Variants in CDH11 observed in about 807,000 individuals in gnomAD.
CDH11 encodes the protein cadherin 11.
In CDH11, 11 loss-of-function variants were observed where a neutral mutation model predicts 67.8. That is an observed-to-expected ratio of 0.16 (90% CI 0.10 to 0.27). The LOEUF (loss-of-function observed/expected upper bound fraction) is 0.27, where lower values mean the gene tolerates loss of function less well. Among genes scored for constraint, CDH11 ranks in the 10% least tolerant of loss-of-function variants. The probability of loss-of-function intolerance (pLI) is 1.00; values close to 1 mark genes in which losing one functional copy is unlikely to be tolerated. For missense variants in CDH11, 847 were observed against 1,031.2 expected (o/e 0.82, Z 2.45); for synonymous variants, 419 against 400.0 (o/e 1.05, Z -0.57).
chr16:65,098,263 T>A (rs1246478230), intron 1 of CDH11, among the ~76,000 whole-genome samples: 1 of 152,146 alleles, frequency 6.6e-6, no homozygotes, highest in Non-Finnish European at 1.5e-5. Context: ...ATCCTTAAGT[T>A]CCTTGGATAC....
intron 1 of CDH11, among the ~76,000 whole-genome samples, chr16:65,083,132 G>C (rs186515615): frequency 2.8e-4 from 42 of 152,248 alleles, no homozygotes; most frequent in African/African-American, 9.9e-4. Context: ...TTTTGACAAT[G>C]AACACACTGA....
At chr16:65,040,538 A>G (rs1476841680) in intron 2 of CDH11, among the ~76,000 whole-genome samples, 1 of 147,846 alleles carries the variant, frequency 6.8e-6, no homozygotes, top group Non-Finnish European at 1.5e-5. Flanking sequence ...GGGGAACATC[A>G]CACCCTGGGG....
chr16:65,121,634 G>A lies in CDH11; in HGVS notation c.-298+246C>T, dbSNP rs1168791812. Among the ~76,000 whole-genome samples, 1 of 152,220 alleles carries A rather than the reference G, an allele frequency of 6.6e-6. No individual in the cohort carries two copies. The highest frequency in any genetic ancestry group is 2.4e-5 in the African/African-American group (1 of 41,468). On this transcript the variant is annotated intron_variant, in intron 1 of 12. Coordinates refer to ENST00000268603, the MANE Select transcript of CDH11 (RefSeq NM_001797.4). The surrounding 1 kb of genome is among the most constrained non-coding windows in gnomAD (Gnocchi z 4.1). ...GGCCGGAGCCAGGGAGAGTCGTGGA[G>A]CGCACATCTGAAGCCTCCGTCCCCT...
At chr16:65,098,209 T>C (rs1051484302) in intron 1 of CDH11, among the ~76,000 whole-genome samples, 7 of 152,136 alleles carry the variant, frequency 4.6e-5, no homozygotes, top group African/African-American at 1.7e-4. Context: ...GGTTCAATAT[T>C]TACTATTGAA....
At chr16:65,097,191 T>C (rs2074913735) in intron 1 of CDH11, among the ~76,000 whole-genome samples, 1 of 152,202 alleles carries the variant, frequency 6.6e-6, no homozygotes, top group African/African-American at 2.4e-5. Context: ...TCAAAATTGA[T>C]AGAGAAGTGA....
intron 1 of CDH11, among the ~76,000 whole-genome samples, chr16:65,060,653 C>A (rs1445636383): frequency 1.3e-5 from 2 of 152,036 alleles, no homozygotes; most frequent in African/African-American, 4.8e-5. Context: ...ATAACTTTAA[C>A]CTCTTCTTCT....
rs2071176463 is a variant in CDH11 at position 64,945,311 on chromosome 16, A to C, written c.*2292T>G. 1.5e-6 allele frequency: 1 copy of C among 662,152 alleles called. No individual in the cohort carries two copies. Among genetic ancestry groups the C allele is most frequent in the Admixed American group, 6.1e-5 (1 of 16,524 alleles). The allele number at this position is 662,152 out of a possible 1,614,324, so 41.0% of individuals were successfully genotyped here. On this transcript the variant is annotated 3_prime_UTR_variant, in exon 13 of 13. Coordinates refer to ENST00000268603, the MANE Select transcript of CDH11 (RefSeq NM_001797.4). ...CGAAAAAATAAAAGGTAAAAAAAAA[A>C]AAAAAAAAGAAAAAGAAAAACAAGT...
At chr16:64,986,102 C>G (rs1049392578) in intron 7 of CDH11, 3 of 152,094 alleles carry the variant, frequency 2.0e-5, no homozygotes, top group Admixed American at 6.6e-5. Context: ...CATAATGTCT[C>G]TATAGACTTT....
intron 1 of CDH11, among the ~76,000 whole-genome samples, chr16:65,099,222 T>C (rs1290817965): frequency 1.3e-5 from 2 of 151,892 alleles, no homozygotes; most frequent in Admixed American, 1.3e-4. Flanking sequence ...CCAAGGAGAG[T>C]AGACAATACA....
intron 1 of CDH11, among the ~76,000 whole-genome samples, chr16:65,079,454 C>A (rs980451664): frequency 1.3e-5 from 2 of 152,014 alleles, no homozygotes; most frequent in African/African-American, 4.8e-5. Context: ...ATTCTTGTGA[C>A]AAAATTTACC....
At chr16:65,046,961 T>C (rs2073971793) in intron 2 of CDH11, among the ~76,000 whole-genome samples, 1 of 152,004 alleles carries the variant, frequency 6.6e-6, no homozygotes, top group African/African-American at 2.4e-5. Context: ...TACAGAAAAT[T>C]AGCCAGCCGT....
intron 11 of CDH11, among the ~76,000 whole-genome samples, chr16:64,967,679 A>G (rs942293588): frequency 3.3e-5 from 5 of 152,116 alleles, no homozygotes; most frequent in African/African-American, 1.2e-4. Context: ...TATATTTCAC[A>G]GTTGCTTTTC....
In CDH11 at chr16:64,982,068, A is replaced by G; in HGVS notation, c.1233T>C (p.Asp411=). 1 of 1,613,502 alleles carries G rather than the reference A, an allele frequency of 6.2e-7. No individual in the cohort carries two copies. The highest frequency in any genetic ancestry group is 8.5e-7 in the Non-Finnish European group (1 of 1,179,666). ...TGTACCTTATCGGGCTGTTGGCAGC[A>G]TCAGGGTCTTTGGCATGCACTCTCC... is the stretch of plus-strand genomic sequence containing the variant. ...VVGRVHAKDP[D]AANSPIRYSI... The change falls in exon 8 of 13, where the codon GAT becomes GAC. Residue 411 remains aspartate, a synonymous_variant. Transcript: ENST00000268603.
At chr16:64,955,921 C>T (rs936092699) in intron 11 of CDH11, among the ~76,000 whole-genome samples, 47 of 152,094 alleles carry the variant, frequency 3.1e-4, no homozygotes, top group Admixed American at 4.6e-4. Context: ...TGAGTGGGTC[C>T]CCTTGCATTG....
chr16:64,986,447 T>C (rs1191292492), intron 7 of CDH11: 1 of 152,050 alleles, frequency 6.6e-6, no homozygotes, highest in African/African-American at 2.4e-5. Flanking sequence ...AGTGTGTGTT[T>C]ATGCCCTGAA....
intron 1 of CDH11, among the ~76,000 whole-genome samples, chr16:65,068,977 T>C (rs2142761832): frequency 6.6e-6 from 1 of 152,320 alleles, no homozygotes; most frequent in Non-Finnish European, 1.5e-5. Flanking sequence ...CTCATTTCAT[T>C]AGGAAAATAG....
intron 2 of CDH11, among the ~76,000 whole-genome samples, chr16:65,031,774 A>G (rs529434124): frequency 1.9e-3 from 295 of 152,340 alleles, no homozygotes; most frequent in Non-Finnish European, 3.5e-3. Context: ...TGGCCACTGC[A>G]AATGAAGAAA....
intron 3 of CDH11, among the ~76,000 whole-genome samples, chr16:65,000,532 C>T (rs1449055736): frequency 1.3e-5 from 2 of 152,214 alleles, no homozygotes; most frequent in Admixed American, 1.3e-4. Context: ...CACATTGGCT[C>T]ATGCCTGTAA....
At chr16:65,085,574 G>A (rs1194252910) in intron 1 of CDH11, among the ~76,000 whole-genome samples, 3 of 152,224 alleles carry the variant, frequency 2.0e-5, no homozygotes, top group African/African-American at 7.2e-5. Context: ...GGCAGGAGAT[G>A]TAGGTAGATT....
Sources: allele counts gnomAD v4.1 joint callset (sites outside exome capture counted in the v4.1 genomes callset), GRCh38; gene constraint gnomAD v4.1.1; non-coding constraint Gnocchi (gnomAD v3.1); transcripts MANE v1.5; gene names NCBI Gene and HGNC (gene_info 2026-07-23, HGNC 2026-07-21).